Variants in MPPED2 observed in about 807,000 individuals in gnomAD.
MPPED2 encodes metallophosphoesterase MPPED2.
Under a neutral mutation model 33.0 loss-of-function variants are expected in MPPED2, and 5 were observed. The ratio of observed to expected loss-of-function variants is 0.15; its 90% CI spans 0.08 to 0.32. The LOEUF (loss-of-function observed/expected upper bound fraction) is 0.32. Among genes scored for constraint, MPPED2 ranks in the 10% least tolerant of loss-of-function variants. The probability of loss-of-function intolerance (pLI) is 1.00; values close to 1 mark genes in which losing one functional copy is unlikely to be tolerated. For missense variants in MPPED2, 275 were observed against 372.1 expected (o/e 0.74, Z 2.15); for synonymous variants, 136 against 141.9 (o/e 0.96, Z 0.29).
intron 3 of MPPED2, among the ~76,000 whole-genome samples, chr11:30,510,728 T>C (rs1433935266): frequency 6.6e-6 from 1 of 152,202 alleles, no homozygotes; most frequent in Non-Finnish European, 1.5e-5. Context: ...TTTTTTAAAA[T>C]TGAATTACTT....
At chr11:30,534,243 C>T (rs1954689242) in intron 3 of MPPED2, among the ~76,000 whole-genome samples, 1 of 152,198 alleles carries the variant, frequency 6.6e-6, no homozygotes. Context: ...ATTGTCAACG[C>T]AGCTCGATAA....
At chr11:30,563,557 T>A (rs1348522735) in intron 2 of MPPED2, among the ~76,000 whole-genome samples, 2 of 152,044 alleles carry the variant, frequency 1.3e-5, no homozygotes, top group Admixed American at 1.3e-4. Flanking sequence ...CAGGAGATAG[T>A]AGGGGCAATT....
chr11:30,389,883 T>A (rs1352250602), intron 6 of MPPED2, among the ~76,000 whole-genome samples: 1 of 152,122 alleles, frequency 6.6e-6, no homozygotes, highest in Non-Finnish European at 1.5e-5. Flanking sequence ...ATTTGGGGCA[T>A]CAGAGTACAA....
At position 30,586,212 on chromosome 11, in the gene MPPED2, G is replaced by C. The variant is rs1957465115; in HGVS notation, c.-292C>G. Reference sequence around the variant, plus strand: ...CCCGGAGGTCCCGCCGCAGGCTGGGGCTGGGGGCCAGGGGGCGCGGCGCTA... The same window carrying C: ...CCCGGAGGTCCCGCCGCAGGCTGGGCCTGGGGGCCAGGGGGCGCGGCGCTA... On this transcript the variant is annotated 5_prime_UTR_variant, in exon 1 of 7. Transcript: ENST00000358117. This position sits in a 1 kb window ranked among gnomAD's most constrained non-coding sequence, Gnocchi z 4.8. 1 of 153,360 alleles carries C rather than the reference G, an allele frequency of 6.5e-6. No individual in the cohort carries two copies. Among genetic ancestry groups the C allele is most frequent in the African/African-American group, 2.4e-5 (1 of 41,586 alleles). The allele number at this position is 153,360 out of a possible 1,614,324, so 9.5% of individuals were successfully genotyped here.
At chr11:30,484,611 G>A (rs12281953) in intron 4 of MPPED2, among the ~76,000 whole-genome samples, 2 of 152,032 alleles carry the variant, frequency 1.3e-5, no homozygotes, top group East Asian at 1.9e-4. Flanking sequence ...TTTTTCCTGG[G>A]TGGAAACACA....
chr11:30,417,455 T>C, intron 5 of MPPED2, 63 bp downstream of exon 5: 1 of 851,484 alleles, frequency 1.2e-6, no homozygotes, highest in South Asian at 1.5e-5. Flanking sequence ...CCCTGAAGCA[T>C]TATTCATTAT....
chr11:30,558,502 G>T (rs1422690092), intron 2 of MPPED2, among the ~76,000 whole-genome samples: 1 of 151,080 alleles, frequency 6.6e-6, no homozygotes, highest in Admixed American at 6.6e-5. Context: ...TGCAGCTCTG[G>T]CCTGCCAGAC....
chr11:30,469,566 C>T (rs547160076), intron 4 of MPPED2, among the ~76,000 whole-genome samples: 167 of 152,270 alleles, frequency 1.1e-3, no homozygotes, highest in African/African-American at 4.0e-3. Context: ...CTATTAAGTA[C>T]ATTACTATAA....
chr11:30,542,238 T>C (rs1366412650), intron 2 of MPPED2, among the ~76,000 whole-genome samples: 1 of 152,202 alleles, frequency 6.6e-6, no homozygotes, highest in Admixed American at 6.5e-5. Flanking sequence ...AAATATTTTT[T>C]AGTTTTGCCC....
chr11:30,508,595 A>G (rs749784817), intron 3 of MPPED2, among the ~76,000 whole-genome samples: 5 of 152,182 alleles, frequency 3.3e-5, no homozygotes, highest in Non-Finnish European at 7.4e-5. Context: ...TACCCTTCCT[A>G]GAAGGCTGCC....
intron 4 of MPPED2, among the ~76,000 whole-genome samples, chr11:30,473,953 G>A (rs1319537708): frequency 6.6e-6 from 1 of 152,188 alleles, no homozygotes; most frequent in Non-Finnish European, 1.5e-5. Flanking sequence ...CTTGAAATGA[G>A]ACCACTATTC....
chr11:30,580,192 T>C, intron 2 of MPPED2, 54 bp downstream of exon 2: 2 of 1,572,368 alleles, frequency 1.3e-6, no homozygotes, highest in Non-Finnish European at 1.7e-6. Context: ...TTTTCTTTTT[T>C]TTCTTTTTAT....
intron 4 of MPPED2, among the ~76,000 whole-genome samples, chr11:30,476,499 G>A (rs539622): frequency 0.1 from 15,422 of 151,900 alleles, 1,016 homozygotes; most frequent in South Asian, 0.25. Flanking sequence ...ACCATTTATC[G>A]AAGACTACTG....
chr11:30,412,514 A>C (rs1948153311), intron 6 of MPPED2, among the ~76,000 whole-genome samples: 1 of 152,208 alleles, frequency 6.6e-6, no homozygotes, highest in Admixed American at 6.5e-5. Flanking sequence ...GATATAGAGA[A>C]GTAACTGAAA....
rs955362151 is a variant in MPPED2 at position 30,580,478 on chromosome 11, A to G, written c.-105T>C. 12 of 1,501,258 alleles carry G rather than the reference A, an allele frequency of 8.0e-6. No individual in the cohort carries two copies. Among genetic ancestry groups the G allele is most frequent in the Non-Finnish European group, 1.1e-5 (12 of 1,123,306 alleles). 93.0% of individuals were successfully genotyped at this position (1,501,258 alleles called of 1,614,324 possible). On this transcript the variant is annotated 5_prime_UTR_variant, in exon 2 of 7. Coordinates refer to ENST00000358117, the MANE Select transcript of MPPED2 (RefSeq NM_001584.3). ...CTCTGAATCCAAGGATCTACTCATC[A>G]ATACCGCTGTGCATTTCTGAAAGAA...
At chr11:30,466,538 T>C (rs118151678) in intron 4 of MPPED2, among the ~76,000 whole-genome samples, 1 of 152,158 alleles carries the variant, frequency 6.6e-6, no homozygotes, top group Admixed American at 6.5e-5. Flanking sequence ...GGACCCTAGA[T>C]GGCAGAGGTC....
intron 3 of MPPED2, 122 bp downstream of exon 3, chr11:30,535,872 C>T (rs1954782160): frequency 4.2e-6 from 3 of 716,622 alleles, no homozygotes; most frequent in Non-Finnish European, 6.6e-6. Flanking sequence ...CTAGACACCA[C>T]CGCATATCAT....
intron 4 of MPPED2, among the ~76,000 whole-genome samples, chr11:30,460,121 G>T (rs775301780): frequency 5.9e-5 from 9 of 152,326 alleles, no homozygotes; most frequent in Middle Eastern, 6.8e-3. Flanking sequence ...ACAGATGGGA[G>T]TTTCACACCC....
chr11:30,503,412 T>C (rs1293659199), intron 3 of MPPED2, among the ~76,000 whole-genome samples: 1 of 152,146 alleles, frequency 6.6e-6, no homozygotes, highest in African/African-American at 2.4e-5. Flanking sequence ...AACTCTTGCC[T>C]CATACTCTTC....
Sources: allele counts gnomAD v4.1 joint callset (sites outside exome capture counted in the v4.1 genomes callset), GRCh38; gene constraint gnomAD v4.1.1; non-coding constraint Gnocchi (gnomAD v3.1); transcripts MANE v1.5; gene names NCBI Gene and HGNC (gene_info 2026-07-23, HGNC 2026-07-21).